Variants in EDN1 observed in about 807,000 individuals in gnomAD.
EDN1 encodes endothelin-1.
In EDN1, 11 loss-of-function variants were observed where a neutral mutation model predicts 21.7. The observed-to-expected ratio is 0.51, with a 90% CI of 0.32 to 0.84. The LOEUF (loss-of-function observed/expected upper bound fraction) is 0.84, where lower values mean the gene tolerates loss of function less well. Among genes scored for constraint, EDN1 ranks in the 40% least tolerant of loss-of-function variants. EDN1 has a pLI of 0.03. For missense variants in EDN1, 244 were observed against 262.3 expected (o/e 0.93, Z 0.48); for synonymous variants, 85 against 90.6 (o/e 0.94, Z 0.35).
At chr6:12,238,289 G>A in the EDN1 span, among the ~76,000 whole-genome samples, 1 of 152,096 alleles carries the variant, frequency 6.6e-6, no homozygotes, top group African/African-American at 2.4e-5. Flanking sequence ...GGATGTAGGC[G>A]TTCCTCTGGG....
At chr6:12,262,732 C>T in the EDN1 span, among the ~76,000 whole-genome samples, 5,518 of 151,824 alleles carry the variant, frequency 0.036, 160 homozygotes, top group Non-Finnish European at 0.057. Context: ...ATTAGCCGGG[C>T]GTGGTTGTGG....
Position 12,290,592 on chromosome 6 carries a change from CA to C in EDN1, c.-37del. On this transcript the variant is annotated 5_prime_UTR_variant, in exon 1 of 5. Coordinates refer to ENST00000379375, the MANE Select transcript of EDN1 (RefSeq NM_001955.5). ...GTTTTTCTTCGTTTTCCTTTGGGTT[CA>C]GTTTGAACGGGAGGTTTTTGATCCC... 1 of 1,575,488 alleles carries C rather than the reference CA, an allele frequency of 6.3e-7. No homozygotes were observed. The highest frequency in any genetic ancestry group is 8.7e-7 in the Non-Finnish European group (1 of 1,145,030).
chr6:12,290,188 C>A (rs2747711), upstream of EDN1, among the ~76,000 whole-genome samples: 1 of 152,194 alleles, frequency 6.6e-6, no homozygotes, highest in Non-Finnish European at 1.5e-5. Context: ...GGGCGTCTGC[C>A]TCTGAAGTTA....
the EDN1 span, among the ~76,000 whole-genome samples, chr6:12,238,118 GTTGAGATGGCGCC>G: frequency 2.1e-5 from 3 of 142,346 alleles, no homozygotes; most frequent in Non-Finnish European, 4.5e-5. Flanking sequence ...GTTGCAGTGA[GTTGAGATGGCGCC>G]ACTGCACTCC....
At chr6:12,283,949 G>C in the EDN1 span, among the ~76,000 whole-genome samples, 3 of 152,254 alleles carry the variant, frequency 2.0e-5, no homozygotes, top group Admixed American at 6.5e-5. Flanking sequence ...AAGTTGCTTT[G>C]TACATAGTGT....
chr6:12,281,762 T>TA, the EDN1 span, among the ~76,000 whole-genome samples: 1 of 152,238 alleles, frequency 6.6e-6, no homozygotes, highest in Non-Finnish European at 1.5e-5. Context: ...CACCTCTACA[T>TA]TAGTGGATGG....
chr6:12,288,519 GGC>G (rs1762603694), upstream of EDN1, among the ~76,000 whole-genome samples: 1 of 123,282 alleles, frequency 8.1e-6, no homozygotes, highest in South Asian at 2.3e-4. Context: ...GGAGGCCAGG[GGC>G]CCCGGCAGAG....
intron 1 of EDN1, among the ~76,000 whole-genome samples, chr6:12,291,559 G>A (rs1762683430): frequency 6.6e-6 from 1 of 152,168 alleles, no homozygotes; most frequent in Non-Finnish European, 1.5e-5. Flanking sequence ...TACAAAATTG[G>A]GCAGATAAGC....
chr6:12,294,510 G>C (rs2113797359), intron 4 of EDN1, 106 bp downstream of exon 4: 1 of 1,319,516 alleles, frequency 7.6e-7, no homozygotes, highest in South Asian at 1.2e-5. Flanking sequence ...CCGGGCAGGT[G>C]AAAGACTTAG....
At chr6:12,282,416 T>C in the EDN1 span, among the ~76,000 whole-genome samples, 1 of 152,222 alleles carries the variant, frequency 6.6e-6, no homozygotes, top group Non-Finnish European at 1.5e-5. Context: ...CAAGCTACTT[T>C]CCAGTTCATG....
rs1299708178 is a variant in EDN1, at chr6:12,290,547, G to C, written c.-83G>C. On this transcript the variant is annotated 5_prime_UTR_variant, in exon 1 of 5. Transcript: ENST00000379375. ...CTTTGAGATCTGAGGAACCCGCAGC[G>C]CTTTGAGGGACCTGAAGCTGTTTTT... 8.6e-7 allele frequency: 1 copy of C among 1,162,828 alleles called. No individual in the cohort carries two copies. The allele number at this position is 1,162,828 out of a possible 1,614,324, so 72.0% of individuals were successfully genotyped here. A position where few individuals can be genotyped will look rare whatever the true frequency, so the allele number is the denominator to read the frequency against.
At chr6:12,255,215 A>G in the EDN1 span, among the ~76,000 whole-genome samples, 1 of 152,210 alleles carries the variant, frequency 6.6e-6, no homozygotes, top group Admixed American at 6.5e-5. Flanking sequence ...AAATCCTTAA[A>G]AGAATTACAA....
At chr6:12,233,884 A>G in the EDN1 span, among the ~76,000 whole-genome samples, 2 of 152,160 alleles carry the variant, frequency 1.3e-5, no homozygotes, top group African/African-American at 4.8e-5. Flanking sequence ...TAATACAGAA[A>G]TTGGAGGACA....
chr6:12,260,067 T>C, the EDN1 span, among the ~76,000 whole-genome samples: 1 of 151,954 alleles, frequency 6.6e-6, no homozygotes, highest in Non-Finnish European at 1.5e-5. Flanking sequence ...GGAAACAAAA[T>C]AGAAAGCAAA....
chr6:12,295,042 C>T (rs1762789026), intron 4 of EDN1, among the ~76,000 whole-genome samples: 1 of 149,158 alleles, frequency 6.7e-6, no homozygotes, highest in African/African-American at 2.5e-5. Flanking sequence ...CTGGATTAGG[C>T]AACATCATAG....
the EDN1 span, among the ~76,000 whole-genome samples, chr6:12,245,882 G>A: frequency 2.6e-5 from 4 of 152,182 alleles, no homozygotes; most frequent in African/African-American, 9.6e-5. Flanking sequence ...CTCTTGTCTT[G>A]TTAAAGCAGA....
At chr6:12,261,265 TATA>T in the EDN1 span, among the ~76,000 whole-genome samples, 1 of 152,098 alleles carries the variant, frequency 6.6e-6, no homozygotes, top group Admixed American at 6.5e-5. Context: ...AAAACTGAAG[TATA>T]ATAAGAGAAC....
At chr6:12,292,793 CA>C (rs1215322106) in intron 2 of EDN1, among the ~76,000 whole-genome samples, 1 of 152,132 alleles carries the variant, frequency 6.6e-6, no homozygotes, top group Non-Finnish European at 1.5e-5. Context: ...GAGAGGGCCT[CA>C]GGGGGACACT....
the EDN1 span, among the ~76,000 whole-genome samples, chr6:12,241,756 G>A: frequency 6.6e-6 from 1 of 151,818 alleles, no homozygotes; most frequent in Non-Finnish European, 1.5e-5. Flanking sequence ...CACTTTTTTT[G>A]GAGACTCAAT....
Sources: allele counts gnomAD v4.1 joint callset (sites outside exome capture counted in the v4.1 genomes callset), GRCh38; gene constraint gnomAD v4.1.1; transcripts MANE v1.5; gene names NCBI Gene and HGNC (gene_info 2026-07-23, HGNC 2026-07-21).